TLCD3A: variants seen among roughly 807,000 people sequenced by gnomAD.
TLCD3A encodes the protein TLC domain containing 3A.
A neutral mutation model predicts 29.9 loss-of-function variants in TLCD3A; 17 were observed. The ratio of observed to expected loss-of-function variants is 0.57; its 90% CI spans 0.39 to 0.85. TLCD3A has a LOEUF of 0.85. TLCD3A is among the 40% of genes least tolerant of loss of function. The pLI is 0.00. For synonymous variants in TLCD3A, 143 were observed against 147.7 expected (o/e 0.97, Z 0.23); for missense variants, 332 against 350.8 (o/e 0.95, Z 0.43).
intron 4 of TLCD3A, 133 bp downstream of exon 4, chr17:740,733 A>T: frequency 1.1e-6 from 1 of 930,660 alleles, no homozygotes; most frequent in Non-Finnish European, 1.6e-6. Flanking sequence ...GTTCTGATTC[A>T]GGCATGTATG....
intron 3 of TLCD3A, among the ~76,000 whole-genome samples, chr17:738,512 T>C (rs1188513226): frequency 6.6e-6 from 1 of 152,172 alleles, no homozygotes; most frequent in African/African-American, 2.4e-5. Context: ...CCCAGGTGAA[T>C]AGTGGAGGAA....
intron 3 of TLCD3A, among the ~76,000 whole-genome samples, chr17:739,848 C>T (rs898030089): frequency 7.9e-5 from 12 of 152,078 alleles, no homozygotes; most frequent in Admixed American, 7.2e-4. Context: ...AAGTTCGAGA[C>T]CAGCCTGGCC....
chr17:741,070 C>G (rs1017271809), intron 4 of TLCD3A, among the ~76,000 whole-genome samples: 1 of 152,228 alleles, frequency 6.6e-6, no homozygotes, highest in Non-Finnish European at 1.5e-5. Context: ...TTCAAAATCA[C>G]TATTGGAGAA....
Position 739,497 on chromosome 17 carries a change from GTTTTA to G in TLCD3A, c.409-998_409-994del, listed in dbSNP as rs567646616. 7.8e-3 allele frequency among the ~76,000 whole-genome samples: 1,192 copies of G among 152,244 alleles called. 11 individuals are homozygous for G. The highest frequency in any genetic ancestry group is 0.013 in the Non-Finnish European group (852 of 68,010). ...AGCCACTGCTCTTGGCCGGCATGTAGTTTTATTTTATTTTTTAAATAAAGAGATGG... is the reference window on the plus strand; with the variant it reads ...AGCCACTGCTCTTGGCCGGCATGTAGTTTTATTTTTTAAATAAAGAGATGG... On this transcript the variant is annotated intron_variant, in intron 3 of 4. Transcript: ENST00000308278.
intron 3 of TLCD3A, among the ~76,000 whole-genome samples, chr17:738,940 A>G (rs2144119041): frequency 6.6e-6 from 1 of 152,354 alleles, no homozygotes; most frequent in Non-Finnish European, 1.5e-5. Context: ...TCCTTAGTTC[A>G]ATACAAGATA....
At chr17:741,274 A>G (rs748764708) in intron 4 of TLCD3A, 27 bp from the exon 5 acceptor site, 52 of 1,612,010 alleles carry the variant, frequency 3.2e-5, no homozygotes, top group Non-Finnish European at 4.2e-5. Flanking sequence ...TGGTGACCTT[A>G]CCTTTTTCCT....
intron 4 of TLCD3A, among the ~76,000 whole-genome samples, chr17:740,967 G>A (rs1183102664): frequency 6.6e-6 from 1 of 152,214 alleles, no homozygotes; most frequent in Non-Finnish European, 1.5e-5. Context: ...AAGTTTGATA[G>A]TTTGATACAG....
At chr17:732,888 G>A (rs1456331839) in intron 1 of TLCD3A, 119 bp downstream of exon 1, 17 of 1,372,402 alleles carry the variant, frequency 1.2e-5, no homozygotes, top group Non-Finnish European at 1.6e-5. Context: ...TGCTCCCTCC[G>A]CGTCCCGGCG....
chr17:741,709 A>T lies in TLCD3A; in HGVS notation c.*139A>T. On this transcript the variant is annotated 3_prime_UTR_variant, in exon 5 of 5. Coordinates refer to ENST00000308278, the MANE Select transcript of TLCD3A (RefSeq NM_024792.3). ...ATTTGAGTTTTTCTAAAGAATATTCATATTACCTCCTTCTTCTAACTTGCC... is the reference window on the plus strand; with the variant it reads ...ATTTGAGTTTTTCTAAAGAATATTCTTATTACCTCCTTCTTCTAACTTGCC... The T allele has an allele frequency of 9.8e-7, 1 of 1,020,968 alleles. No homozygotes were observed. The highest frequency in any genetic ancestry group is 1.4e-6 in the Non-Finnish European group (1 of 716,886). 63.2% of individuals were successfully genotyped at this position (1,020,968 alleles called of 1,614,324 possible).
At chr17:735,807 A>T (rs565180456) in intron 2 of TLCD3A, among the ~76,000 whole-genome samples, 89 of 151,864 alleles carry the variant, frequency 5.9e-4, no homozygotes, top group African/African-American at 2.0e-3. Context: ...CGCTACTTAA[A>T]AAGAAAAAAA....
intron 3 of TLCD3A, 47 bp downstream of exon 3, chr17:738,094 G>GTTTTTTTT (rs200758501): frequency 2.7e-4 from 115 of 428,870 alleles, no homozygotes; most frequent in African/African-American, 1.3e-3. Flanking sequence ...TGAGCTGGGT[G>GTTTTTTTT]TCTTTTTTTT....
At chr17:740,338 C>CCAT (rs980962247) in intron 3 of TLCD3A, among the ~76,000 whole-genome samples, 167 bp from the exon 4 acceptor site, 2 of 152,208 alleles carry the variant, frequency 1.3e-5, no homozygotes, top group African/African-American at 4.8e-5. Flanking sequence ...AGGGCTTGGA[C>CCAT]CATCAAAGTG....
chr17:733,297 A>C, intron 2 of TLCD3A, 116 bp downstream of exon 2: 1 of 971,760 alleles, frequency 1.0e-6, no homozygotes, highest in Non-Finnish European at 1.5e-6. Flanking sequence ...TGGCACCACA[A>C]TGGGCTCCTT....
rs143771876 is a variant in TLCD3A, at chr17:732,724, C to G, written c.77C>G (p.Ser26Cys). Residue 26 changes from serine to cysteine, a missense_variant, in exon 1 of 5, where the codon TCC (serine) becomes TGC (cysteine). Transcript: ENST00000308278. ...CTCTGCACCTGGGCGCTGCGCCGCT[C>G]CCAGCCCGGATGGAGCCGCACCGAC... Reference protein sequence around the residue: ...FALCTWALRRSQPGWSRTDCV... With the variant: ...FALCTWALRRCQPGWSRTDCV... The G allele has an allele frequency of 5.7e-4, 817 of 1,443,474 alleles. 3 individuals carry two copies. The African/African-American group carries it at 0.011, about 19-fold the overall frequency. 89.4% of individuals were successfully genotyped at this position (1,443,474 alleles called of 1,614,324 possible). A position where few individuals can be genotyped will look rare whatever the true frequency, so the allele number is the denominator to read the frequency against.
intron 2 of TLCD3A, among the ~76,000 whole-genome samples, chr17:733,590 C>G (rs1238740225): frequency 1.3e-5 from 2 of 152,164 alleles, no homozygotes; most frequent in African/African-American, 4.8e-5. Context: ...CCCTTCCACG[C>G]AAACGCCGCT....
chr17:732,704 C>T lies in TLCD3A; in HGVS notation c.57C>T (p.Cys19=). The T allele has an allele frequency of 7.0e-7, 1 of 1,437,702 alleles. No homozygotes were observed. Among genetic ancestry groups the T allele is most frequent in the Non-Finnish European group, 9.1e-7 (1 of 1,096,018 alleles). The allele number at this position is 1,437,702 out of a possible 1,614,324, so 89.1% of individuals were successfully genotyped here. A position where few individuals can be genotyped will look rare whatever the true frequency, so the allele number is the denominator to read the frequency against. Residue 19 remains cysteine, a synonymous_variant, in exon 1 of 5, where the codon TGC becomes TGT. Transcript: ENST00000308278. ...TCTTCCCGGGGCTCTTCGCGCTCTG[C>T]ACCTGGGCGCTGCGCCGCTCCCAGC... ...ALFFPGLFAL[C]TWALRRSQPG...
At chr17:732,895 G>T in intron 1 of TLCD3A, 126 bp downstream of exon 1, 2 of 1,371,262 alleles carry the variant, frequency 1.5e-6, no homozygotes, top group Non-Finnish European at 1.9e-6. Flanking sequence ...TCCGCGTCCC[G>T]GCGGCCCGAG....
intron 2 of TLCD3A, among the ~76,000 whole-genome samples, chr17:737,503 T>C (rs532505022): frequency 2.0e-5 from 3 of 151,390 alleles, no homozygotes; most frequent in African/African-American, 7.3e-5. Context: ...ACCAGCTTCT[T>C]GGTGGGGCCG....
chr17:740,932 G>A (rs948342759), intron 4 of TLCD3A, among the ~76,000 whole-genome samples: 1 of 152,336 alleles, frequency 6.6e-6, no homozygotes. Flanking sequence ...CTCAGCCAGT[G>A]GGGGTGAAAT....
Sources: allele counts gnomAD v4.1 joint callset (sites outside exome capture counted in the v4.1 genomes callset), GRCh38; gene constraint gnomAD v4.1.1; transcripts MANE v1.5; gene names NCBI Gene and HGNC (gene_info 2026-07-23, HGNC 2026-07-21).